The following MAPK10 variants were observed in gnomAD, a reference collection of about 807,000 sequenced individuals.
The protein encoded by MAPK10 is JNK3 alpha protein kinase.
Under a neutral mutation model 59.3 loss-of-function variants are expected in MAPK10, and 25 were observed. The ratio of observed to expected loss-of-function variants is 0.42; its 90% CI spans 0.31 to 0.59. MAPK10 has a LOEUF of 0.59. MAPK10 is among the 20% of genes least tolerant of loss of function. The probability of loss-of-function intolerance (pLI) is 0.15; values close to 1 mark genes in which losing one functional copy is unlikely to be tolerated. For synonymous variants in MAPK10, 190 were observed against 200.5 expected (o/e 0.95, Z 0.44); for missense variants, 351 against 568.9 (o/e 0.62, Z 3.90).
At chr4:86,332,974 T>C (rs2096189681) in intron 2 of MAPK10, among the ~76,000 whole-genome samples, 1 of 152,168 alleles carries the variant, frequency 6.6e-6, no homozygotes, top group Admixed American at 6.6e-5. Context: ...TGTTTGTTTT[T>C]GTTTATTTTT....
intron 2 of MAPK10, among the ~76,000 whole-genome samples, chr4:86,346,601 C>A (rs1728354571): frequency 6.6e-6 from 1 of 152,028 alleles, no homozygotes; most frequent in Non-Finnish European, 1.5e-5. Context: ...CTTGGTATAT[C>A]CGGGACCTCA....
In MAPK10 at chr4:86,017,122, C is replaced by T. The variant is rs1178535263; in HGVS notation, c.*106G>A. 2 of 1,248,764 alleles carry T rather than the reference C, an allele frequency of 1.6e-6. No individual in the cohort carries two copies. The highest frequency in any genetic ancestry group is 4.3e-5 in the Admixed American group (2 of 46,488). The allele number at this position is 1,248,764 out of a possible 1,614,324, so 77.4% of individuals were successfully genotyped here. A position where few individuals can be genotyped will look rare whatever the true frequency, so the allele number is the denominator to read the frequency against. On this transcript the variant is annotated 3_prime_UTR_variant, in exon 14 of 14. Transcript: ENST00000641462. The surrounding 1 kb of genome is among the most constrained non-coding windows in gnomAD (Gnocchi z 4.4). ...CTTGGATTCTCTCCCTTGCTGTTTTCTTGATGTTGTGTGTCTGCATTTGTG... is the reference window on the plus strand; with the variant it reads ...CTTGGATTCTCTCCCTTGCTGTTTTTTTGATGTTGTGTGTCTGCATTTGTG...
chr4:86,452,744 T>C (rs1184416242), intron 1 of MAPK10, among the ~76,000 whole-genome samples: 4 of 152,148 alleles, frequency 2.6e-5, no homozygotes, highest in Non-Finnish European at 4.4e-5. Flanking sequence ...GGAGAGATCA[T>C]GGCGGACGGG....
At position 86,243,172 on chromosome 4, in the gene MAPK10, C is replaced by T. The variant is rs186874865; in HGVS notation, c.-6-48765G>A. ...CTTGGTTGCCAGTGAAGGATTCATA[C>T]GTTTATTATGTTTTTTTTTCCATGG... On this transcript the variant is annotated intron_variant, in intron 2 of 13. Coordinates refer to ENST00000641462, the MANE Select transcript of MAPK10 (RefSeq NM_138982.4). Among the ~76,000 whole-genome samples, 72 of 152,236 alleles carry T rather than the reference C, an allele frequency of 4.7e-4. No homozygotes were observed. The East Asian group carries it at 0.012, about 25-fold the overall frequency.
intron 2 of MAPK10, among the ~76,000 whole-genome samples, chr4:86,341,835 C>G (rs199986215): frequency 2.5e-5 from 1 of 39,750 alleles, no homozygotes; most frequent in Admixed American, 2.6e-4. Flanking sequence ...AAAAAAAAAA[C>G]ACCGGCAGCT....
At chr4:86,233,153 T>C (rs1474160204) in intron 2 of MAPK10, among the ~76,000 whole-genome samples, 1 of 152,194 alleles carries the variant, frequency 6.6e-6, no homozygotes, top group African/African-American at 2.4e-5. Context: ...GCTCTTGGCA[T>C]CACAGAAGGT....
intron 9 of MAPK10, among the ~76,000 whole-genome samples, chr4:86,083,058 A>G (rs541431670): frequency 6.6e-6 from 1 of 152,314 alleles, no homozygotes; most frequent in Non-Finnish European, 1.5e-5. Flanking sequence ...TTTAGGCCCA[A>G]AAGATAAAAG....
chr4:86,210,434 T>G (rs1165442767), intron 2 of MAPK10, among the ~76,000 whole-genome samples: 10 of 151,886 alleles, frequency 6.6e-5, no homozygotes, highest in African/African-American at 9.6e-5. Flanking sequence ...AGAAAAAAAT[T>G]GAAAAATCTG....
At chr4:86,525,228 C>T (rs1025063663) in intron 1 of MAPK10, among the ~76,000 whole-genome samples, 1 of 152,052 alleles carries the variant, frequency 6.6e-6, no homozygotes, top group Non-Finnish European at 1.5e-5. Context: ...GCCCTGGAGG[C>T]AGAGGCTGCA....
chr4:86,335,527 C>T (rs1465472033), intron 2 of MAPK10, among the ~76,000 whole-genome samples: 2 of 152,110 alleles, frequency 1.3e-5, no homozygotes, highest in Non-Finnish European at 2.9e-5. Flanking sequence ...CTCTTCCTCT[C>T]TCACCCCCTT....
chr4:86,090,552 G>C (rs1216990917), intron 9 of MAPK10: 2 of 152,082 alleles, frequency 1.3e-5, no homozygotes, highest in African/African-American at 2.4e-5. Context: ...GAAAGATAGA[G>C]CAAACAGTTG....
intron 1 of MAPK10, among the ~76,000 whole-genome samples, chr4:86,483,359 A>G (rs1174436455): frequency 6.6e-6 from 1 of 152,152 alleles, no homozygotes; most frequent in African/African-American, 2.4e-5. Context: ...AAAAAATCCA[A>G]AAACTGGAAA....
chr4:86,050,539 C>T (rs2043315369), intron 11 of MAPK10, among the ~76,000 whole-genome samples: 1 of 152,098 alleles, frequency 6.6e-6, no homozygotes, highest in Non-Finnish European at 1.5e-5. Flanking sequence ...GTCCTCCTCC[C>T]ATTGTCTGTC....
intron 2 of MAPK10, among the ~76,000 whole-genome samples, chr4:86,279,184 T>G (rs2094700467): frequency 6.6e-6 from 1 of 152,178 alleles, no homozygotes; most frequent in Admixed American, 6.6e-5. Flanking sequence ...GTACATAAAT[T>G]TATAGTATAT....
chr4:86,107,729 C>A, intron 4 of MAPK10: 1 of 826,120 alleles, frequency 1.2e-6, no homozygotes, highest in Non-Finnish European at 1.5e-6. Flanking sequence ...TATGGCAAGT[C>A]ATTTAATCTC....
intron 4 of MAPK10, among the ~76,000 whole-genome samples, chr4:86,110,117 G>T (rs1406446560): frequency 6.6e-6 from 1 of 152,020 alleles, no homozygotes; most frequent in African/African-American, 2.4e-5. Flanking sequence ...TGTAGACTCT[G>T]GATATTAGAC....
chr4:86,038,740 C>G (rs2040874910), intron 11 of MAPK10, among the ~76,000 whole-genome samples: 1 of 152,006 alleles, frequency 6.6e-6, no homozygotes, highest in South Asian at 2.1e-4. Context: ...TCTGTGGCAC[C>G]AACAGCAGTT....
chr4:86,167,409 T>C (rs1400617077), intron 3 of MAPK10, among the ~76,000 whole-genome samples: 1 of 151,988 alleles, frequency 6.6e-6, no homozygotes, highest in Non-Finnish European at 1.5e-5. Context: ...GGCAGAGACA[T>C]AGCAAAAAAA....
intron 3 of MAPK10, among the ~76,000 whole-genome samples, chr4:86,179,769 T>G (rs1459433254): frequency 1.3e-5 from 2 of 152,078 alleles, no homozygotes; most frequent in Non-Finnish European, 2.9e-5. Context: ...CTTCAATAAA[T>G]GATGCTAAAT....
Sources: gnomAD v4.1 joint callset for allele counts (sites outside exome capture counted in the v4.1 genomes callset) on GRCh38, gnomAD v4.1.1 for gene constraint, Gnocchi (gnomAD v3.1) non-coding constraint, MANE v1.5 for transcripts, NCBI Gene and HGNC (gene_info 2026-07-23, HGNC 2026-07-21) for gene names.